The following SMAD3 variants were observed in gnomAD, a reference collection of about 807,000 sequenced individuals.
The protein encoded by SMAD3 is SMAD family member 3.
In SMAD3, 12 loss-of-function variants were observed where a neutral mutation model predicts 51.8. The observed-to-expected ratio is 0.23, with a 90% confidence interval of 0.15 to 0.38. SMAD3 has a LOEUF of 0.38. Ranked by LOEUF, SMAD3 falls within the 10% of genes least tolerant of loss-of-function variation. The pLI is 1.00. For missense variants in SMAD3, 294 were observed against 565.6 expected, an observed-to-expected ratio of 0.52 and a Z score of 4.87; for synonymous variants, 238 against 227.7, an observed-to-expected ratio of 1.05 and a Z score of -0.41.
chr15:67,145,412 T>C (rs1961948627), intron 1 of SMAD3, among the ~76,000 whole-genome samples: 1 of 152,172 alleles, frequency 6.6e-6, no homozygotes, highest in South Asian at 2.1e-4. Flanking sequence ...CATTCTGTGC[T>C]CAAGGATGCT....
chr15:67,156,814 C>T (rs183562163), intron 1 of SMAD3, among the ~76,000 whole-genome samples: 2,440 of 10,968 alleles, frequency 0.22, 53 homozygotes, highest in South Asian at 0.4. Flanking sequence ...TGGGGGTGGG[C>T]GGGTGGGAGA....
intron 1 of SMAD3, among the ~76,000 whole-genome samples, chr15:67,139,268 C>T (rs1961753316): frequency 6.6e-6 from 1 of 152,120 alleles, no homozygotes; most frequent in South Asian, 2.1e-4. Flanking sequence ...AAAAAATAAA[C>T]CTCAGATGCC....
chr15:67,066,666 C>A (rs1408115065), intron 1 of SMAD3, among the ~76,000 whole-genome samples: 3 of 152,234 alleles, frequency 2.0e-5, no homozygotes, highest in African/African-American at 7.2e-5. Context: ...TCGGCCGCCC[C>A]CACTCCGGGG....
chr15:67,186,148 C>T (rs1475063512), intron 7 of SMAD3, among the ~76,000 whole-genome samples: 2 of 152,228 alleles, frequency 1.3e-5, no homozygotes, highest in Admixed American at 6.5e-5. Context: ...CCTGCCCAAG[C>T]GCACACAGCT....
At chr15:67,104,737 G>T (rs563549852) in intron 1 of SMAD3, among the ~76,000 whole-genome samples, 1 of 152,262 alleles carries the variant, frequency 6.6e-6, no homozygotes, top group South Asian at 2.1e-4. Context: ...ACACAAGAAA[G>T]TACTTCCTCT....
chr15:67,189,307 C>T (rs1963300670), intron 8 of SMAD3, among the ~76,000 whole-genome samples: 1 of 152,160 alleles, frequency 6.6e-6, no homozygotes, highest in South Asian at 2.1e-4. Context: ...CATTTCTCAA[C>T]CTCCCTGCTA....
intron 6 of SMAD3, 29 bp downstream of exon 6, chr15:67,181,482 C>A (rs761694392): frequency 2.0e-6 from 3 of 1,508,508 alleles, no homozygotes; most frequent in South Asian, 1.2e-5. Flanking sequence ...CCCCGCCCCC[C>A]CACCCTGCCC....
intron 1 of SMAD3, among the ~76,000 whole-genome samples, chr15:67,097,663 A>G (rs1960643888): frequency 6.6e-6 from 1 of 152,148 alleles, no homozygotes; most frequent in African/African-American, 2.4e-5. Context: ...CATGGTCATG[A>G]GCGTGAAATG....
At chr15:67,149,620 T>C (rs1962075062) in intron 1 of SMAD3, among the ~76,000 whole-genome samples, 1 of 152,180 alleles carries the variant, frequency 6.6e-6, no homozygotes, top group Non-Finnish European at 1.5e-5. Flanking sequence ...GGTTCTTTGC[T>C]GTCTTAGGTG....
chr15:67,165,482 C>G, intron 3 of SMAD3, 98 bp downstream of exon 3: 1 of 1,402,370 alleles, frequency 7.1e-7, no homozygotes, highest in Non-Finnish European at 9.9e-7. Flanking sequence ...CTGGCCGTCC[C>G]CCGCTCACCC....
intron 1 of SMAD3, among the ~76,000 whole-genome samples, chr15:67,115,021 C>T (rs1234075451): frequency 6.6e-6 from 1 of 152,130 alleles, no homozygotes; most frequent in African/African-American, 2.4e-5. Context: ...TGCTGTTGAC[C>T]CTATCTTACC....
At chr15:67,094,632 G>T (rs1268131886) in intron 1 of SMAD3, among the ~76,000 whole-genome samples, 2 of 152,206 alleles carry the variant, frequency 1.3e-5, no homozygotes, top group Non-Finnish European at 2.9e-5. Flanking sequence ...CCAGGGCCGA[G>T]CTGAAGATCA....
chr15:67,184,397 G>C (rs7181877), intron 6 of SMAD3, among the ~76,000 whole-genome samples: 1 of 151,958 alleles, frequency 6.6e-6, no homozygotes, highest in South Asian at 2.1e-4. Flanking sequence ...GTGAGCCACC[G>C]CGCCTGGCCC....
rs1567007167 is a variant in SMAD3 at position 67,192,414 on chromosome 15, G to T, written c.*1878G>T. ...CAAAACCCCTCACTTCCTCTGAGAG[G>T]GCCAAATGCTGTGAGTCTGAAGTAT... On this transcript the variant is annotated 3_prime_UTR_variant, in exon 9 of 9. Transcript: ENST00000327367. The T allele has an allele frequency of 2.6e-5, 6 of 233,266 alleles. No homozygotes were observed. Among genetic ancestry groups the T allele is most frequent in the Non-Finnish European group, 5.1e-5 (6 of 118,058 alleles). 14.4% of individuals were successfully genotyped at this position (233,266 alleles called of 1,614,324 possible).
At chr15:67,157,369 C>T (rs1010543390) in intron 1 of SMAD3, among the ~76,000 whole-genome samples, 8 of 152,170 alleles carry the variant, frequency 5.3e-5, no homozygotes, top group South Asian at 2.1e-4. Context: ...ACAGAAAAAG[C>T]GCTGTTCATC....
Position 67,187,303 on chromosome 15 carries a change from G to A in SMAD3, c.1010-62G>A, listed in dbSNP as rs967602437. ...GGGGGTCCAGGACTTGCTTTATCCA[G>A]GAGGGGAGCAACGGACCTGGCCACT... On this transcript the variant is annotated intron_variant, in intron 7 of 8. Transcript: ENST00000327367. The A allele has an allele frequency of 6.2e-6, 10 of 1,608,342 alleles. No homozygotes were observed. The South Asian group carries it at 6.6e-5, about 11-fold the overall frequency.
rs562202381 is a variant in SMAD3 at position 67,085,763 on chromosome 15, C to T, written c.206+19403C>T. Among the ~76,000 whole-genome samples the T allele has an allele frequency of 7.2e-5, 11 of 151,912 alleles. No homozygotes were observed. The East Asian group carries it at 1.4e-3, about 19-fold the overall frequency. On this transcript the variant is annotated intron_variant, in intron 1 of 8. Coordinates refer to ENST00000327367, the MANE Select transcript of SMAD3 (RefSeq NM_005902.4). ...TTCCTAGGTGATTCCGGTATGTGGC[C>T]GGGATTGAGAATCACAGCCATAGAT... is the stretch of plus-strand genomic sequence containing the variant.
At chr15:67,177,422 G>GGTTTTTT (rs1962931269) in intron 5 of SMAD3, among the ~76,000 whole-genome samples, 1 of 93,874 alleles carries the variant, frequency 1.1e-5, no homozygotes, top group Non-Finnish European at 2.1e-5. Flanking sequence ...AGTGTTTTGG[G>GGTTTTTT]TTTTTTTTTT....
intron 1 of SMAD3, among the ~76,000 whole-genome samples, chr15:67,080,856 C>T (rs1960265708): frequency 6.6e-6 from 1 of 152,184 alleles, no homozygotes; most frequent in Non-Finnish European, 1.5e-5. Context: ...GCTTTGGGCT[C>T]TCAGGGTTTG....
Sources: gnomAD v4.1 joint callset for allele counts (sites outside exome capture counted in the v4.1 genomes callset) on GRCh38, gnomAD v4.1.1 for gene constraint, MANE v1.5 for transcripts, NCBI Gene and HGNC (gene_info 2026-07-23, HGNC 2026-07-21) for gene names.